The following PCDH11X variants were observed in gnomAD, a reference collection of about 807,000 sequenced individuals.
PCDH11X encodes the protein protocadherin-11 X-linked.
A neutral mutation model predicts 53.3 loss-of-function variants in PCDH11X; 18 were observed. That is an observed-to-expected ratio of 0.34 (90% CI 0.23 to 0.50). The LOEUF (loss-of-function observed/expected upper bound fraction) is 0.50, where lower values mean the gene tolerates loss of function less well. Ranked by LOEUF, PCDH11X falls within the 20% of genes least tolerant of loss-of-function variation. The pLI, the probability that PCDH11X is intolerant of heterozygous loss-of-function variation, is 0.98. For synonymous variants in PCDH11X, 279 were observed against 393.3 expected (o/e 0.71, Z 3.44); for missense variants, 570 against 1,032.4 (o/e 0.55, Z 6.14).
At chrX:92,185,822 T>TA (rs745885931) in intron 6 of PCDH11X, among the ~76,000 whole-genome samples, 3,040 of 103,877 alleles carry the variant, frequency 0.029, 111 homozygotes, top group African/African-American at 0.1. Context: ...GAATACCTAT[T>TA]AAAAAAAAAA....
chrX:92,071,061 T>C (rs1302414461), intron 6 of PCDH11X, among the ~76,000 whole-genome samples: 3 of 109,480 alleles, frequency 2.7e-5, no homozygotes, highest in Non-Finnish European at 3.8e-5. Context: ...AACCTTGGCC[T>C]CCCAAAGTGC....
At chrX:92,138,588 TCTC>T (rs2065122832) in intron 6 of PCDH11X, among the ~76,000 whole-genome samples, 1 of 110,993 alleles carries the variant, frequency 9.0e-6, no homozygotes, top group African/African-American at 3.3e-5. Flanking sequence ...TATAATATAT[TCTC>T]TGAATATTGT....
chrX:92,306,876 G>C (rs2068844009), intron 8 of PCDH11X, among the ~76,000 whole-genome samples: 1 of 111,187 alleles, frequency 9.0e-6, no homozygotes, highest in African/African-American at 3.3e-5. Flanking sequence ...CTTAAACCTG[G>C]AAGGTGGAGG....
chrX:92,534,574 G>A (rs1463028623), intron 10 of PCDH11X, among the ~76,000 whole-genome samples: 1 of 110,860 alleles, frequency 9.0e-6, no homozygotes, highest in African/African-American at 3.3e-5. Flanking sequence ...GATACTCCTC[G>A]AGAAGAGCAA....
intron 6 of PCDH11X, among the ~76,000 whole-genome samples, chrX:92,111,301 T>A (rs1454189779): frequency 9.6e-6 from 1 of 104,340 alleles, no homozygotes; most frequent in East Asian, 3.3e-4. Flanking sequence ...CAGATGAGGT[T>A]TTATCAGTAG....
intron 8 of PCDH11X, among the ~76,000 whole-genome samples, chrX:92,369,902 TTGGTCTCGC>T (rs2070573528): frequency 9.3e-6 from 1 of 107,691 alleles, no homozygotes; most frequent in Non-Finnish European, 1.9e-5. Context: ...TCCTTCTGTG[TTGGTCTCGC>T]TGGGAGCTGT....
intron 6 of PCDH11X, among the ~76,000 whole-genome samples, chrX:92,127,518 CTTTT>C (rs35828888): frequency 1.1e-5 from 1 of 88,437 alleles, no homozygotes; most frequent in African/African-American, 4.5e-5. Flanking sequence ...TTTCCCCCCA[CTTTT>C]TTTTTTTTTT....
At chrX:92,450,257 G>A (rs1229937649) in intron 9 of PCDH11X, among the ~76,000 whole-genome samples, 1 of 109,037 alleles carries the variant, frequency 9.2e-6, no homozygotes, top group Admixed American at 9.9e-5. Context: ...TTTAATTCCA[G>A]TAGACGCTCT....
intron 9 of PCDH11X, among the ~76,000 whole-genome samples, chrX:92,389,691 G>T (rs2071084096): frequency 9.0e-6 from 1 of 110,902 alleles, no homozygotes; most frequent in Non-Finnish European, 1.9e-5. Context: ...ATTAAATATA[G>T]CTTTATTAAT....
At chrX:92,187,618 T>C (rs1193203457) in intron 6 of PCDH11X, among the ~76,000 whole-genome samples, 1 of 111,641 alleles carries the variant, frequency 9.0e-6, no homozygotes, top group Non-Finnish European at 1.9e-5. Flanking sequence ...AAGAAAATTA[T>C]TACGTTCTCC....
At chrX:91,967,598 G>A (rs2061886276) in intron 6 of PCDH11X, among the ~76,000 whole-genome samples, 1 of 108,873 alleles carries the variant, frequency 9.2e-6, no homozygotes, top group Admixed American at 9.9e-5. Flanking sequence ...CAAAAAGGTT[G>A]GGGACCACTG....
intron 9 of PCDH11X, among the ~76,000 whole-genome samples, chrX:92,445,192 C>CT (rs778466088): frequency 0.37 from 6,235 of 16,687 alleles, 1,333 homozygotes; most frequent in Middle Eastern, 0.5. Flanking sequence ...TGGTCCAGGG[C>CT]TTTTTTTTTT....
chrX:92,369,093 A>G (rs2070547957), intron 8 of PCDH11X, among the ~76,000 whole-genome samples: 1 of 99,592 alleles, frequency 1.0e-5, no homozygotes, highest in African/African-American at 3.7e-5. Flanking sequence ...AGGAATGATG[A>G]TATCTGCTGA....
intron 1 of PCDH11X, among the ~76,000 whole-genome samples, chrX:91,783,456 C>T (rs1212219133): frequency 1.6e-4 from 18 of 112,071 alleles, no homozygotes; most frequent in Non-Finnish European, 3.0e-4. Flanking sequence ...CACATTCTTC[C>T]TTCTCTTGGT....
At chrX:92,393,228 C>T (rs1360197073) in intron 9 of PCDH11X, among the ~76,000 whole-genome samples, 1 of 110,755 alleles carries the variant, frequency 9.0e-6, no homozygotes, top group Non-Finnish European at 1.9e-5. Context: ...AGGTTAATTA[C>T]GTAGCAAGGC....
At chrX:92,541,757 A>T (rs1389205177) in intron 10 of PCDH11X, among the ~76,000 whole-genome samples, 3 of 107,869 alleles carry the variant, frequency 2.8e-5, no homozygotes, top group Non-Finnish European at 5.8e-5. Flanking sequence ...GGAGTTCGAG[A>T]CCAGCTTGGT....
intron 10 of PCDH11X, among the ~76,000 whole-genome samples, chrX:92,501,786 A>G (rs961746705): frequency 3.9e-4 from 44 of 111,585 alleles, no homozygotes; most frequent in African/African-American, 1.4e-3. Context: ...CAAAAGCTGG[A>G]CACATTCCCC....
At chrX:92,191,095 A>G (rs2066184378) in intron 6 of PCDH11X, among the ~76,000 whole-genome samples, 1 of 111,966 alleles carries the variant, frequency 8.9e-6, no homozygotes, top group Non-Finnish European at 1.9e-5. Context: ...TTTGGTCAAG[A>G]TAAATTTGCC....
At chrX:91,957,149 A>G (rs1192789487) in intron 6 of PCDH11X, among the ~76,000 whole-genome samples, 2 of 110,672 alleles carry the variant, frequency 1.8e-5, no homozygotes, top group African/African-American at 3.3e-5. Flanking sequence ...CTGGCTACCA[A>G]TTCCTGTGTT....
Sources: gnomAD v4.1 joint callset for allele counts (sites outside exome capture counted in the v4.1 genomes callset) on GRCh38, gnomAD v4.1.1 for gene constraint, MANE v1.5 for transcripts, NCBI Gene and HGNC (gene_info 2026-07-23, HGNC 2026-07-21) for gene names.